ADAM12: variants seen among roughly 807,000 people sequenced by gnomAD.
The protein encoded by ADAM12 is ADAM metallopeptidase domain 12.
ADAM12 carries 70 observed loss-of-function variants against 106.4 expected under a neutral mutation model. That is an observed-to-expected ratio of 0.66 (90% CI 0.54 to 0.80). The LOEUF is 0.80. ADAM12 is among the 30% of genes least tolerant of loss of function. The probability of loss-of-function intolerance (pLI) is 0.00; values close to 1 mark genes in which losing one functional copy is unlikely to be tolerated. For missense variants in ADAM12, 1,010 were observed against 1,171.9 expected (o/e 0.86, Z 2.02); for synonymous variants, 420 against 433.5 (o/e 0.97, Z 0.39).
chr10:126,057,711 C>A (rs1954662341), intron 14 of ADAM12, among the ~76,000 whole-genome samples: 1 of 152,182 alleles, frequency 6.6e-6, no homozygotes, highest in African/African-American at 2.4e-5. Flanking sequence ...CAGAACCACA[C>A]ACTGGCCACA....
chr10:126,210,409 C>T (rs925100939), intron 3 of ADAM12, among the ~76,000 whole-genome samples: 3 of 152,310 alleles, frequency 2.0e-5, no homozygotes, highest in East Asian at 1.9e-4. Context: ...CCGTGTGAGT[C>T]ACCTAGCACC....
rs1954234419 is a variant in ADAM12 at position 126,043,522 on chromosome 10, G to A, written c.1996-374C>T. 6.6e-6 allele frequency among the ~76,000 whole-genome samples: 1 copy of A among 152,126 alleles called. No homozygotes were observed. The highest frequency in any genetic ancestry group is 2.4e-5 in the African/African-American group (1 of 41,426). ...AGCAGTGAGGAGGGACCGTGCTTTGGGGCTACAGACCCAGAGCCCTGGGGC... is the reference window on the plus strand; with the variant it reads ...AGCAGTGAGGAGGGACCGTGCTTTGAGGCTACAGACCCAGAGCCCTGGGGC... On this transcript the variant is annotated intron_variant, in intron 17 of 22. Coordinates refer to ENST00000448723, the MANE Select transcript of ADAM12 (RefSeq NM_001288973.2). This position sits in a 1 kb window ranked among gnomAD's most constrained non-coding sequence, Gnocchi z 4.1.
chr10:126,337,313 G>A lies in ADAM12; in HGVS notation c.89-6804C>T, dbSNP rs996394796. On this transcript the variant is annotated intron_variant, in intron 1 of 22. Transcript: ENST00000448723. ...TGAAGTCTGATGTCCCAGGGCAGGAGGAATGGGAAGAAGGAAGAGAGCCAG... is the reference window on the plus strand; with the variant it reads ...TGAAGTCTGATGTCCCAGGGCAGGAAGAATGGGAAGAAGGAAGAGAGCCAG... 3.4e-4 allele frequency among the ~76,000 whole-genome samples: 51 copies of A among 152,172 alleles called. 2 individuals are homozygous for A. Among genetic ancestry groups the A allele is most frequent in the African/African-American group, 1.2e-3 (50 of 41,436 alleles).
intron 1 of ADAM12, among the ~76,000 whole-genome samples, chr10:126,376,618 T>C (rs1856302246): frequency 6.6e-6 from 1 of 152,192 alleles, no homozygotes; most frequent in African/African-American, 2.4e-5. Context: ...ACTTATTGAA[T>C]AGCATTAAAG....
intron 3 of ADAM12, 151 bp downstream of exon 3, chr10:126,278,764 T>C (rs1045327393): frequency 5.3e-6 from 3 of 570,960 alleles, no homozygotes; most frequent in Non-Finnish European, 9.1e-6. Flanking sequence ...GATAATTTTT[T>C]AAAGTTAATT....
chr10:126,363,492 G>T (rs1855806817), intron 1 of ADAM12, among the ~76,000 whole-genome samples: 2 of 152,238 alleles, frequency 1.3e-5, no homozygotes, highest in Non-Finnish European at 2.9e-5. Flanking sequence ...CTTGTCTGGG[G>T]GTGGGATATG....
chr10:126,182,852 C>T (rs914785021), intron 3 of ADAM12, among the ~76,000 whole-genome samples: 2 of 152,348 alleles, frequency 1.3e-5, no homozygotes, highest in Middle Eastern at 3.4e-3. Flanking sequence ...CGCCTCCTGG[C>T]ACGCAAGCGT....
At chr10:126,334,663 C>T (rs931076053) in intron 1 of ADAM12, among the ~76,000 whole-genome samples, 2 of 152,194 alleles carry the variant, frequency 1.3e-5, no homozygotes, top group African/African-American at 2.4e-5. Context: ...AGATCCTCCC[C>T]TCATGTCACC....
At chr10:126,158,540 G>GA (rs202208829) in intron 3 of ADAM12, among the ~76,000 whole-genome samples, 55,410 of 89,944 alleles carry the variant, frequency 0.62, 20,178 homozygotes, top group East Asian at 0.76. Context: ...ACAGAGCACG[G>GA]GGAGGATGCA....
At chr10:126,186,540 C>T (rs1405064377) in intron 3 of ADAM12, among the ~76,000 whole-genome samples, 2 of 152,124 alleles carry the variant, frequency 1.3e-5, no homozygotes, top group African/African-American at 2.4e-5. Flanking sequence ...TATTTCTGCA[C>T]TCAATTTTGT....
chr10:126,018,899 C>G (rs572558132), intron 22 of ADAM12, among the ~76,000 whole-genome samples: 13 of 152,286 alleles, frequency 8.5e-5, no homozygotes, highest in African/African-American at 3.1e-4. Context: ...TGCCTCCAAC[C>G]CGACTAATGT....
At position 126,038,278 on chromosome 10, in the gene ADAM12, C is replaced by T. The variant is rs1339379132; in HGVS notation, c.2312G>A (p.Gly771Asp). ...CQAHLGHLGK[G>D]LMRKPPDSYP... ...GGAATCTGGCGGCTTCCTCATCAGGCCTTTTCCAAGGTGGCCGAGGTGAGC... is the reference window on the plus strand; with the variant it reads ...GGAATCTGGCGGCTTCCTCATCAGGTCTTTTCCAAGGTGGCCGAGGTGAGC... Residue 771 changes from glycine (G) to aspartate (D), a missense_variant, in exon 20 of 23, where the codon GGC becomes GAC. By Grantham distance (94) the Gly-to-Asp change is moderately conservative (BLOSUM62 -1). This residue lies in a region of ADAM12 where 615 missense variants were observed against 708.5 expected (regional missense o/e 0.87). Coordinates refer to ENST00000448723, the MANE Select transcript of ADAM12 (RefSeq NM_001288973.2). The T allele has an allele frequency of 6.2e-7, 1 of 1,612,264 alleles. No homozygotes were observed. The highest frequency in any genetic ancestry group is 1.1e-5 in the South Asian group (1 of 90,290).
chr10:126,266,130 C>T (rs1225571685), intron 3 of ADAM12, among the ~76,000 whole-genome samples: 1 of 152,192 alleles, frequency 6.6e-6, no homozygotes, highest in Non-Finnish European at 1.5e-5. Flanking sequence ...CTCACCTAAT[C>T]TGTAGCCAGG....
chr10:126,216,084 G>T (rs1957982623), intron 3 of ADAM12, among the ~76,000 whole-genome samples: 1 of 152,132 alleles, frequency 6.6e-6, no homozygotes, highest in African/African-American at 2.4e-5. Context: ...GTGTTAAAAA[G>T]CTTTTGCTCA....
intron 3 of ADAM12, among the ~76,000 whole-genome samples, chr10:126,239,082 A>G (rs1958473329): frequency 6.6e-6 from 1 of 152,250 alleles, no homozygotes. Flanking sequence ...ATTAAGAAGT[A>G]AAAATGATGT....
intron 21 of ADAM12, among the ~76,000 whole-genome samples, chr10:126,025,938 A>C (rs924777148): frequency 4.6e-5 from 7 of 152,224 alleles, no homozygotes; most frequent in African/African-American, 1.7e-4. Context: ...AGGAAAGCCT[A>C]TCAGACTAAC....
chr10:126,023,167 G>T (rs1000081045), intron 21 of ADAM12, among the ~76,000 whole-genome samples: 3 of 152,182 alleles, frequency 2.0e-5, no homozygotes, highest in African/African-American at 7.2e-5. Flanking sequence ...ATGTTTCACT[G>T]TGCAAATTCG....
intron 3 of ADAM12, among the ~76,000 whole-genome samples, chr10:126,214,589 T>C (rs11244889): frequency 0.28 from 42,597 of 152,096 alleles, 6,518 homozygotes; most frequent in African/African-American, 0.4. Flanking sequence ...TGGGAGTAGA[T>C]GGTCAGAGGA....
intron 2 of ADAM12, among the ~76,000 whole-genome samples, chr10:126,303,275 T>G (rs1032659214): frequency 6.6e-6 from 1 of 152,234 alleles, no homozygotes; most frequent in African/African-American, 2.4e-5. Flanking sequence ...ATCACCAATG[T>G]AACAACAGCT....
Sources: gnomAD v4.1 joint callset for allele counts (sites outside exome capture counted in the v4.1 genomes callset) on GRCh38, gnomAD v4.1.1 for gene constraint, gnomAD v4.1.1 regional missense constraint, Gnocchi (gnomAD v3.1) non-coding constraint, MANE v1.5 for transcripts, NCBI Gene and HGNC (gene_info 2026-07-23, HGNC 2026-07-21) for gene names.